The following EEPD1 variants were observed in gnomAD, a reference collection of about 807,000 sequenced individuals.
The protein encoded by EEPD1 is endonuclease/exonuclease/phosphatase family domain-containing protein 1.
In EEPD1, 17 loss-of-function variants were observed where a neutral mutation model predicts 46.3. The observed-to-expected ratio is 0.37, with a 90% CI of 0.25 to 0.55. EEPD1 has a LOEUF of 0.55. Among genes scored for constraint, EEPD1 ranks in the 20% least tolerant of loss-of-function variants. The pLI is 0.83. For missense variants in EEPD1, 673 were observed against 745.6 expected, an observed-to-expected ratio of 0.90 and a Z score of 1.13; for synonymous variants, 313 against 315.6, an observed-to-expected ratio of 0.99 and a Z score of 0.09.
chr7:36,298,913 G>C (rs923249336), intron 7 of EEPD1, 94 bp from the exon 8 acceptor site: 1 of 1,449,360 alleles, frequency 6.9e-7, no homozygotes, highest in Non-Finnish European at 9.5e-7. Context: ...CCGGCCTGCA[G>C]ACATGCGGTG....
intron 2 of EEPD1, among the ~76,000 whole-genome samples, chr7:36,179,482 A>T (rs967072447): frequency 6.6e-6 from 1 of 151,734 alleles, no homozygotes; most frequent in African/African-American, 2.4e-5. Flanking sequence ...GCACTTTGGG[A>T]GGCAAGGCGG....
intron 2 of EEPD1, among the ~76,000 whole-genome samples, chr7:36,211,257 G>A (rs1785926173): frequency 6.6e-6 from 1 of 152,218 alleles, no homozygotes; most frequent in Admixed American, 6.5e-5. Context: ...TAGCATGATA[G>A]TAAAACATGC....
At chr7:36,241,789 G>A (rs1786557504) in intron 3 of EEPD1, among the ~76,000 whole-genome samples, 1 of 152,088 alleles carries the variant, frequency 6.6e-6, no homozygotes. Flanking sequence ...AATCGCTTGA[G>A]TCTGGGAGGC....
chr7:36,160,903 T>C (rs1322500074), intron 2 of EEPD1, among the ~76,000 whole-genome samples: 1 of 152,154 alleles, frequency 6.6e-6, no homozygotes, highest in Non-Finnish European at 1.5e-5. Context: ...TGCAGAGGCA[T>C]ATATAATAAG....
intron 2 of EEPD1, among the ~76,000 whole-genome samples, chr7:36,235,636 C>A (rs997221553): frequency 6.6e-6 from 1 of 152,256 alleles, no homozygotes; most frequent in Non-Finnish European, 1.5e-5. Flanking sequence ...GTCACCTGCA[C>A]ACAGTAGGGC....
intron 2 of EEPD1, among the ~76,000 whole-genome samples, chr7:36,185,810 C>A (rs991296990): frequency 1.3e-5 from 2 of 152,144 alleles, no homozygotes; most frequent in African/African-American, 4.8e-5. Context: ...GTTCATTTGG[C>A]GTGTCGGTAA....
At chr7:36,210,444 A>G (rs1427593593) in intron 2 of EEPD1, among the ~76,000 whole-genome samples, 1 of 152,218 alleles carries the variant, frequency 6.6e-6, no homozygotes, top group Non-Finnish European at 1.5e-5. Context: ...GAAAATAGCG[A>G]GAGGATTTTT....
At chr7:36,170,072 G>C (rs776799132) in intron 2 of EEPD1, among the ~76,000 whole-genome samples, 1 of 152,142 alleles carries the variant, frequency 6.6e-6, no homozygotes, top group Non-Finnish European at 1.5e-5. Flanking sequence ...ATAGATTGCT[G>C]CCGGCATCCA....
intron 2 of EEPD1, among the ~76,000 whole-genome samples, chr7:36,232,012 A>G (rs62445444): frequency 3.0e-4 from 46 of 152,198 alleles, no homozygotes; most frequent in Non-Finnish European, 5.4e-4. Flanking sequence ...TCAGGAGGAC[A>G]AAACAGCTTT....
chr7:36,249,537 A>T (rs1193918803), intron 3 of EEPD1, among the ~76,000 whole-genome samples: 2 of 152,232 alleles, frequency 1.3e-5, no homozygotes, highest in East Asian at 3.8e-4. Context: ...GGTTAAAAAA[A>T]TCCGTGGTAG....
At chr7:36,172,182 T>C (rs925199018) in intron 2 of EEPD1, among the ~76,000 whole-genome samples, 1 of 152,194 alleles carries the variant, frequency 6.6e-6, no homozygotes, top group African/African-American at 2.4e-5. Context: ...TTACAGTCTT[T>C]TGTTATAATG....
chr7:36,193,670 T>G lies in EEPD1; in HGVS notation c.878+38468T>G, dbSNP rs1273516975. On this transcript the variant is annotated intron_variant, in intron 2 of 7. Transcript: ENST00000242108. The surrounding 1 kb of genome is among the most constrained non-coding windows in gnomAD (Gnocchi z 4.9). ...GCCTGTGGACACTGCGAGTATTGTT[T>G]GGCCTTCAGTGAGGGGCAGTCTTGA... is the stretch of plus-strand genomic sequence containing the variant. Among the ~76,000 whole-genome samples the G allele has an allele frequency of 1.3e-5, 2 of 152,174 alleles. No individual in the cohort carries two copies. Among genetic ancestry groups the G allele is most frequent in the African/African-American group, 2.4e-5 (1 of 41,458 alleles).
rs780471655 is a variant in EEPD1, at chr7:36,299,221, T to A, written c.*15T>A. 6.2e-7 allele frequency: 1 copy of A among 1,612,160 alleles called. No homozygotes were observed. Among genetic ancestry groups the A allele is most frequent in the Non-Finnish European group, 8.5e-7 (1 of 1,179,030 alleles). On this transcript the variant is annotated 3_prime_UTR_variant, in exon 8 of 8. Coordinates refer to ENST00000242108, the MANE Select transcript of EEPD1 (RefSeq NM_030636.3). ...ACGAGCGATGATGACACCAAATCCA[T>A]GTGTCCACCCTGGGACCCAGGAGGG...
chr7:36,196,586 G>T (rs1242479353), intron 2 of EEPD1, among the ~76,000 whole-genome samples: 1 of 152,260 alleles, frequency 6.6e-6, no homozygotes, highest in East Asian at 1.9e-4. Context: ...TGGTTTTCCT[G>T]TTTCTTTGGT....
intron 3 of EEPD1, among the ~76,000 whole-genome samples, chr7:36,255,036 A>G (rs1265948625): frequency 6.6e-6 from 1 of 152,204 alleles, no homozygotes; most frequent in Non-Finnish European, 1.5e-5. Flanking sequence ...TCTGGATATT[A>G]GCCCTTTGTC....
intron 3 of EEPD1, among the ~76,000 whole-genome samples, chr7:36,246,668 G>A (rs1786645216): frequency 6.6e-6 from 1 of 152,092 alleles, no homozygotes; most frequent in Admixed American, 6.5e-5. Flanking sequence ...AAAGATGCCT[G>A]TCAGTCCTCC....
intron 2 of EEPD1, among the ~76,000 whole-genome samples, chr7:36,184,961 C>A (rs559160596): frequency 6.6e-6 from 1 of 152,230 alleles, no homozygotes; most frequent in East Asian, 1.9e-4. Context: ...GAACTCCTGA[C>A]CTCAAGCGAT....
chr7:36,237,909 C>T (rs1345719114), intron 2 of EEPD1, among the ~76,000 whole-genome samples: 1 of 152,138 alleles, frequency 6.6e-6, no homozygotes, highest in Non-Finnish European at 1.5e-5. Flanking sequence ...CAAGATCACT[C>T]CACTGCATTT....
intron 6 of EEPD1, among the ~76,000 whole-genome samples, chr7:36,296,318 C>T (rs1294526400): frequency 2.0e-5 from 3 of 152,178 alleles, no homozygotes; most frequent in Non-Finnish European, 4.4e-5. Context: ...CATCTGGCTT[C>T]TTGATACCTT....
Sources: allele counts gnomAD v4.1 joint callset (sites outside exome capture counted in the v4.1 genomes callset), GRCh38; gene constraint gnomAD v4.1.1; non-coding constraint Gnocchi (gnomAD v3.1); transcripts MANE v1.5; gene names NCBI Gene and HGNC (gene_info 2026-07-23, HGNC 2026-07-21).